Variants in SGCZ observed in about 807,000 individuals in gnomAD.
SGCZ encodes zeta-sarcoglycan.
Under a neutral mutation model 41.3 loss-of-function variants are expected in SGCZ, and 40 were observed. That is an observed-to-expected ratio of 0.97 (90% CI 0.75 to 1.26). The LOEUF (loss-of-function observed/expected upper bound fraction) is 1.26, where lower values mean the gene tolerates loss of function less well. Among genes scored for constraint, SGCZ ranks in the 50% most tolerant of loss-of-function variants. The pLI, the probability that SGCZ is intolerant of heterozygous loss-of-function variation, is 0.00. For synonymous variants in SGCZ, 206 were observed against 137.5 expected, an observed-to-expected ratio of 1.50 and a Z score of -3.49; for missense variants, 552 against 369.8, an observed-to-expected ratio of 1.49 and a Z score of -4.04.
chr8:15,196,043 G>A (rs1166307086), intron 1 of SGCZ, among the ~76,000 whole-genome samples: 1 of 146,830 alleles, frequency 6.8e-6, no homozygotes, highest in East Asian at 2.0e-4. Context: ...GACTACAGGC[G>A]CCCGCTACCA....
chr8:14,866,417 T>A (rs1353232624), intron 1 of SGCZ, among the ~76,000 whole-genome samples: 1 of 152,128 alleles, frequency 6.6e-6, no homozygotes, highest in Non-Finnish European at 1.5e-5. Flanking sequence ...GCACAGTCAT[T>A]ATTCTGGTAC....
intron 1 of SGCZ, among the ~76,000 whole-genome samples, chr8:14,917,168 T>A (rs556132232): frequency 8.5e-4 from 129 of 152,228 alleles, no homozygotes; most frequent in African/African-American, 2.3e-3. Flanking sequence ...GAATTGTCAA[T>A]CATAATTTGT....
intron 4 of SGCZ, among the ~76,000 whole-genome samples, chr8:14,212,331 G>T (rs13261526): frequency 6.6e-6 from 1 of 151,798 alleles, no homozygotes; most frequent in African/African-American, 2.4e-5. Flanking sequence ...CATCTCCAAC[G>T]CCTTACCCAT....
chr8:14,787,212 G>A lies in SGCZ; in HGVS notation c.40-232286C>T, dbSNP rs187059905. Among the ~76,000 whole-genome samples the A allele has an allele frequency of 2.8e-3, 426 of 152,204 alleles. 3 individuals are homozygous for A. Among genetic ancestry groups the A allele is most frequent in the African/African-American group, 9.7e-3 (403 of 41,552 alleles). On this transcript the variant is annotated intron_variant, in intron 1 of 7. Coordinates refer to ENST00000382080, the MANE Select transcript of SGCZ (RefSeq NM_139167.4). ...CTGCAGGGGCTGTTACAACAAAACA[G>A]AAGAAGCCGAAGACTTCGGGGGAAA...
intron 2 of SGCZ, among the ~76,000 whole-genome samples, chr8:14,516,638 T>C (rs1308366890): frequency 6.6e-6 from 1 of 152,118 alleles, no homozygotes; most frequent in Non-Finnish European, 1.5e-5. Flanking sequence ...TGTTTGGTAC[T>C]ATTCCTAAAA....
intron 4 of SGCZ, among the ~76,000 whole-genome samples, chr8:14,177,958 C>CTTTTCTTTTTTTTTCTTTTTTT (rs767919994): frequency 5.3e-5 from 5 of 95,050 alleles, no homozygotes; most frequent in Non-Finnish European, 6.4e-5. Flanking sequence ...CTTTTTTTTT[C>CTTTTCTTTTTTTTTCTTTTTTT]TTTTTTTTTT....
intron 1 of SGCZ, among the ~76,000 whole-genome samples, chr8:15,230,821 G>C (rs142857711): frequency 6.6e-6 from 1 of 152,110 alleles, no homozygotes; most frequent in African/African-American, 2.4e-5. Context: ...CGAAGACATT[G>C]GACAAATTCT....
At chr8:15,021,308 G>T (rs532797890) in intron 1 of SGCZ, among the ~76,000 whole-genome samples, 1 of 152,106 alleles carries the variant, frequency 6.6e-6, no homozygotes, top group East Asian at 1.9e-4. Context: ...AGGCCTCATG[G>T]TACTCTCTAC....
intron 1 of SGCZ, among the ~76,000 whole-genome samples, chr8:14,617,850 A>ATG (rs34821756): frequency 0.017 from 1,535 of 92,762 alleles, 27 homozygotes; most frequent in African/African-American, 0.047. Flanking sequence ...TTGTGTGTTT[A>ATG]TGTGTGTGTG....
At chr8:14,441,219 A>G (rs150249033) in intron 2 of SGCZ, among the ~76,000 whole-genome samples, 2 of 152,288 alleles carry the variant, frequency 1.3e-5, no homozygotes, top group African/African-American at 4.8e-5. Context: ...CTCCCAAATT[A>G]CAGATTTTCC....
intron 3 of SGCZ, among the ~76,000 whole-genome samples, chr8:14,282,675 G>A (rs986300096): frequency 6.6e-6 from 1 of 151,978 alleles, no homozygotes; most frequent in Non-Finnish European, 1.5e-5. Context: ...GTTCTCAGTT[G>A]CCTGATCCTT....
intron 1 of SGCZ, among the ~76,000 whole-genome samples, chr8:15,192,559 T>A (rs1800577795): frequency 6.6e-6 from 1 of 152,184 alleles, no homozygotes; most frequent in African/African-American, 2.4e-5. Flanking sequence ...GGATTTCCAA[T>A]TCTTTGGTAT....
intron 2 of SGCZ, among the ~76,000 whole-genome samples, chr8:14,358,266 A>G (rs993107623): frequency 6.6e-6 from 1 of 152,186 alleles, no homozygotes; most frequent in Admixed American, 6.5e-5. Flanking sequence ...ATATTTTTAG[A>G]TTGATATTTT....
chr8:15,227,158 G>C (rs1376517341), intron 1 of SGCZ, among the ~76,000 whole-genome samples: 5 of 152,134 alleles, frequency 3.3e-5, no homozygotes, highest in African/African-American at 1.2e-4. Context: ...CCCTGCAAGT[G>C]AAAGTAGAAA....
intron 1 of SGCZ, among the ~76,000 whole-genome samples, chr8:15,024,275 A>G (rs1300311864): frequency 6.6e-6 from 1 of 152,196 alleles, no homozygotes; most frequent in East Asian, 1.9e-4. Flanking sequence ...TAACAAATTT[A>G]TATAAAATCG....
At chr8:15,169,178 C>T (rs2117058655) in intron 1 of SGCZ, among the ~76,000 whole-genome samples, 2 of 152,272 alleles carry the variant, frequency 1.3e-5, no homozygotes, top group South Asian at 4.1e-4. Flanking sequence ...AAACAGCGCC[C>T]CCTGTCAGCA....
chr8:14,331,636 T>A (rs938265287), intron 2 of SGCZ, among the ~76,000 whole-genome samples: 1 of 152,148 alleles, frequency 6.6e-6, no homozygotes, highest in Non-Finnish European at 1.5e-5. Context: ...TAGATTGCTG[T>A]TAATAATATA....
At chr8:14,582,284 G>A (rs941348373) in intron 1 of SGCZ, among the ~76,000 whole-genome samples, 3 of 151,966 alleles carry the variant, frequency 2.0e-5, no homozygotes, top group Admixed American at 1.3e-4. Context: ...TTACGTTTGG[G>A]GGGAGTTAAA....
chr8:14,974,872 A>C (rs1369611162), intron 1 of SGCZ, among the ~76,000 whole-genome samples: 2 of 152,062 alleles, frequency 1.3e-5, no homozygotes, highest in African/African-American at 4.8e-5. Flanking sequence ...AGGAAAAAAA[A>C]AAAAAAAAAG....
Sources: gnomAD v4.1 joint callset for allele counts (sites outside exome capture counted in the v4.1 genomes callset) on GRCh38, gnomAD v4.1.1 for gene constraint, MANE v1.5 for transcripts, NCBI Gene and HGNC (gene_info 2026-07-23, HGNC 2026-07-21) for gene names.